MYO5B: variants seen among roughly 807,000 people sequenced by gnomAD.
MYO5B encodes the protein unconventional myosin-Vb.
Under a neutral mutation model 229.3 loss-of-function variants are expected in MYO5B, and 143 were observed. The observed-to-expected ratio is 0.62, with a 90% CI of 0.54 to 0.72. The LOEUF (loss-of-function observed/expected upper bound fraction) is 0.72, where lower values mean the gene tolerates loss of function less well. Among genes scored for constraint, MYO5B ranks in the 30% least tolerant of loss-of-function variants. The pLI is 0.00. For missense variants in MYO5B, 2,321 were observed against 2,331.0 expected (o/e 1.00, Z 0.09); for synonymous variants, 918 against 885.2 (o/e 1.04, Z -0.66).
chr18:50,077,192 A>AACAC (rs1568097402), intron 1 of MYO5B, among the ~76,000 whole-genome samples: 1 of 147,206 alleles, frequency 6.8e-6, no homozygotes, highest in African/African-American at 2.5e-5. Context: ...AAAAAAAAAA[A>AACAC]AGACAACTTA....
chr18:49,896,278 C>CAGCAGAG (rs2024778307), intron 21 of MYO5B, among the ~76,000 whole-genome samples: 1 of 152,162 alleles, frequency 6.6e-6, no homozygotes, highest in Non-Finnish European at 1.5e-5. Context: ...ACATGCTACC[C>CAGCAGAG]GCTCCCCAGC....
At chr18:49,831,002 G>T (rs1311363696) in intron 39 of MYO5B, among the ~76,000 whole-genome samples, 1 of 151,706 alleles carries the variant, frequency 6.6e-6, no homozygotes, top group Non-Finnish European at 1.5e-5. Flanking sequence ...CATATTTTTG[G>T]TCAATTGATT....
chr18:50,048,756 C>T (rs1216731801), intron 2 of MYO5B, among the ~76,000 whole-genome samples: 15 of 152,178 alleles, frequency 9.9e-5, no homozygotes, highest in Admixed American at 9.8e-4. Context: ...GTCATGGTGG[C>T]TCATGCCTGT....
chr18:49,889,810 G>A (rs1276933473), intron 22 of MYO5B, among the ~76,000 whole-genome samples: 1 of 152,158 alleles, frequency 6.6e-6, no homozygotes, highest in Non-Finnish European at 1.5e-5. Flanking sequence ...TGACTTCATT[G>A]CAACAACCTA....
intron 1 of MYO5B, among the ~76,000 whole-genome samples, chr18:50,149,925 C>G (rs1599058855): frequency 2.1e-5 from 3 of 144,406 alleles, no homozygotes; most frequent in African/African-American, 7.7e-5. Context: ...ATTTTCACAA[C>G]CTACTCATCT....
chr18:50,168,534 C>T (rs1444455921), intron 1 of MYO5B, among the ~76,000 whole-genome samples: 1 of 152,212 alleles, frequency 6.6e-6, no homozygotes, highest in Non-Finnish European at 1.5e-5. Flanking sequence ...GCTGGGGCTT[C>T]CCCACTCCCT....
At chr18:49,960,584 T>C (rs1490791488) in intron 12 of MYO5B, among the ~76,000 whole-genome samples, 1 of 152,238 alleles carries the variant, frequency 6.6e-6, no homozygotes, top group Non-Finnish European at 1.5e-5. Flanking sequence ...AATCCACCTG[T>C]TACTGATGCT....
intron 1 of MYO5B, among the ~76,000 whole-genome samples, chr18:50,188,568 C>T: frequency 6.6e-6 from 1 of 152,044 alleles, no homozygotes. Context: ...GTGGGTAGAT[C>T]ATGAGGTCAA....
At chr18:50,125,203 C>T (rs529511225) in intron 1 of MYO5B, among the ~76,000 whole-genome samples, 1 of 152,216 alleles carries the variant, frequency 6.6e-6, no homozygotes, top group South Asian at 2.1e-4. Flanking sequence ...TCAAACTGAA[C>T]AATGAATGTT....
intron 4 of MYO5B, among the ~76,000 whole-genome samples, chr18:50,035,005 C>A (rs2026432993): frequency 6.6e-6 from 1 of 152,170 alleles, no homozygotes. Flanking sequence ...GACAGTATCA[C>A]ACCCATCACC....
chr18:50,054,963 A>G (rs1479101172), intron 2 of MYO5B, among the ~76,000 whole-genome samples: 1 of 151,852 alleles, frequency 6.6e-6, no homozygotes, highest in Admixed American at 6.6e-5. Flanking sequence ...CCTCTCCCTC[A>G]CTTCCCAGTG....
intron 25 of MYO5B, chr18:49,876,115 AT>A (rs1207015911): frequency 2.3e-6 from 1 of 432,302 alleles, no homozygotes; most frequent in African/African-American, 2.0e-5. Flanking sequence ...GAACAAATGG[AT>A]AAAAACACAG....
intron 14 of MYO5B, among the ~76,000 whole-genome samples, chr18:49,943,697 A>G (rs1303976556): frequency 6.6e-6 from 1 of 152,236 alleles, no homozygotes; most frequent in Admixed American, 6.5e-5. Flanking sequence ...TGGTAAAACA[A>G]AAGTGTTATA....
At chr18:49,880,240 C>T in intron 23 of MYO5B, 131 bp downstream of exon 23, 2 of 837,158 alleles carry the variant, frequency 2.4e-6, no homozygotes, top group Non-Finnish European at 4.1e-6. Flanking sequence ...TATTCTTCAT[C>T]TTCTTCTATT....
At chr18:50,158,068 A>T (rs543981653) in intron 1 of MYO5B, among the ~76,000 whole-genome samples, 2 of 152,316 alleles carry the variant, frequency 1.3e-5, no homozygotes, top group Middle Eastern at 6.8e-3. Flanking sequence ...TCTAAGGTGG[A>T]AGTGGGCACA....
chr18:49,917,574 G>C (rs1259470918), intron 17 of MYO5B, among the ~76,000 whole-genome samples: 1 of 151,904 alleles, frequency 6.6e-6, no homozygotes, highest in Non-Finnish European at 1.5e-5. Context: ...GATGGCCATC[G>C]AGACGCCTTT....
At chr18:50,146,980 C>A (rs938151979) in intron 1 of MYO5B, among the ~76,000 whole-genome samples, 4 of 152,286 alleles carry the variant, frequency 2.6e-5, no homozygotes, top group Middle Eastern at 6.8e-3. Flanking sequence ...CACATAAATT[C>A]TTTCCCTGTC....
At chr18:49,974,779 T>TCACACACACAGA in intron 9 of MYO5B, among the ~76,000 whole-genome samples, 164 bp from the exon 10 acceptor site, 1 of 117,122 alleles carries the variant, frequency 8.5e-6, no homozygotes, top group East Asian at 2.4e-4. Context: ...GCAGTCTCTC[T>TCACACACACAGA]CACACACACA....
At chr18:50,073,363 C>A (rs79584162) in intron 1 of MYO5B, among the ~76,000 whole-genome samples, 1,961 of 152,268 alleles carry the variant, frequency 0.013, 35 homozygotes, top group African/African-American at 0.045. Flanking sequence ...TGAACTCAAA[C>A]CCAGGTGAAC....
Sources: allele counts gnomAD v4.1 joint callset (sites outside exome capture counted in the v4.1 genomes callset), GRCh38; gene constraint gnomAD v4.1.1; transcripts MANE v1.5; gene names NCBI Gene and HGNC (gene_info 2026-07-23, HGNC 2026-07-21).